Variants in SIDT1 observed in about 807,000 individuals in gnomAD.
SIDT1 encodes the protein SID1 transmembrane family, member 1.
SIDT1 carries 101 observed loss-of-function variants against 107.5 expected under a neutral mutation model. That is an observed-to-expected ratio of 0.94 (90% CI 0.80 to 1.11). The LOEUF is 1.11. Ranked by LOEUF, SIDT1 falls within the 50% of genes least tolerant of loss-of-function variation. SIDT1 has a pLI of 0.00. For synonymous variants in SIDT1, 395 were observed against 398.2 expected (o/e 0.99, Z 0.10); for missense variants, 1,076 against 1,058.2 (o/e 1.02, Z -0.23).
chr3:113,603,352 A>C (rs888996892), intron 12 of SIDT1, among the ~76,000 whole-genome samples: 1 of 152,168 alleles, frequency 6.6e-6, no homozygotes, highest in African/African-American at 2.4e-5. Flanking sequence ...GAAAGTGAGC[A>C]CATTAAAGAG....
intron 24 of SIDT1, among the ~76,000 whole-genome samples, chr3:113,627,009 T>TA (rs1378294253): frequency 3.3e-5 from 5 of 152,164 alleles, no homozygotes; most frequent in Middle Eastern, 3.2e-3. Context: ...AAACAGTCCT[T>TA]ACGTCTTTTA....
chr3:113,608,175 C>A lies in SIDT1; in HGVS notation c.1560C>A (p.Ile520=). 6.2e-7 allele frequency: 1 copy of A among 1,611,046 alleles called. No homozygotes were observed. Among genetic ancestry groups the A allele is most frequent in the Non-Finnish European group, 8.5e-7 (1 of 1,178,774 alleles). The change falls in exon 16 of 25, where the codon ATC becomes ATA. Residue 520 remains isoleucine (I), a synonymous_variant. Transcript: ENST00000264852. ...LFLLIVLRRD[I]LHRRALEAKD... The stretch of plus-strand genomic sequence containing the variant: ...TGCTGATAGTCTTGCGCCGCGACAT[C>A]CTCCATCGGAGAGCCCTGGAAGCCA...
intron 23 of SIDT1, among the ~76,000 whole-genome samples, chr3:113,624,902 G>A (rs1049091157): frequency 1.3e-5 from 2 of 152,092 alleles, no homozygotes; most frequent in Non-Finnish European, 2.9e-5. Context: ...GTATTTTATT[G>A]TGTTTGTAGG....
intron 15 of SIDT1, among the ~76,000 whole-genome samples, chr3:113,607,622 T>C (rs1019430035): frequency 1.3e-5 from 2 of 152,266 alleles, no homozygotes; most frequent in African/African-American, 2.4e-5. Flanking sequence ...TCTAGCCTCT[T>C]GCTCCAGAGC....
chr3:113,584,836 A>G (rs762290763), intron 8 of SIDT1, 67 bp downstream of exon 8: 42 of 1,079,374 alleles, frequency 3.9e-5, no homozygotes, highest in Admixed American at 1.5e-4. Context: ...ATAATTTGAT[A>G]TTACTGTCAT....
chr3:113,610,510 C>T (rs1284909909), intron 17 of SIDT1, among the ~76,000 whole-genome samples: 1 of 152,184 alleles, frequency 6.6e-6, no homozygotes, highest in Non-Finnish European at 1.5e-5. Context: ...CATTTTATTT[C>T]TAGCTATTTT....
chr3:113,627,678 G>T lies in SIDT1; in HGVS notation c.2454G>T (p.Val818=). 2.5e-6 allele frequency: 4 copies of T among 1,613,866 alleles called. No homozygotes were observed. Among genetic ancestry groups the T allele is most frequent in the Admixed American group, 1.7e-5 (1 of 60,012 alleles). The change falls in exon 25 of 25, where the codon GTG becomes GTT. Residue 818 remains valine, a synonymous_variant. Transcript: ENST00000264852. The part of the protein sequence containing the change: ...VLLTLDDDLD[V]VRRDQIPVF ...TAACTTTGGATGATGACCTTGATGT[G>T]GTTCGGAGAGACCAGATCCCTGTCT...
chr3:113,587,483 G>A (rs1242517668), intron 9 of SIDT1, among the ~76,000 whole-genome samples: 3 of 152,150 alleles, frequency 2.0e-5, no homozygotes, highest in African/African-American at 7.2e-5. Context: ...TATTTAACAG[G>A]TGCCTGCTGT....
intron 10 of SIDT1, among the ~76,000 whole-genome samples, chr3:113,597,779 T>C (rs1284520982): frequency 6.6e-6 from 1 of 152,186 alleles, no homozygotes; most frequent in Non-Finnish European, 1.5e-5. Flanking sequence ...TCAAAACAAG[T>C]TTCCTCATTA....
At chr3:113,592,744 C>T (rs985211515) in intron 9 of SIDT1, 49 of 384,966 alleles carry the variant, frequency 1.3e-4, no homozygotes, top group African/African-American at 7.9e-4. Context: ...CCTGCCATCA[C>T]GCCCAGCTAA....
rs886496221 is a variant in SIDT1, at chr3:113,616,248, G to A, written c.2043+72G>A. 16 of 1,222,840 alleles carry A rather than the reference G, an allele frequency of 1.3e-5. No individual in the cohort carries two copies. In the Admixed American group the frequency reaches 2.7e-4, roughly 21 times the overall value. The allele number at this position is 1,222,840 out of a possible 1,614,324, so 75.7% of individuals were successfully genotyped here. A position where few individuals can be genotyped will look rare whatever the true frequency, so the allele number is the denominator to read the frequency against. The stretch of plus-strand genomic sequence containing the variant: ...GGAATAGTAGGAGGAACAGGCTTGG[G>A]GCAGTCACTCACGGCTCCTAAAATC... On this transcript the variant is annotated intron_variant, in intron 20 of 24. Transcript: ENST00000264852.
intron 9 of SIDT1, among the ~76,000 whole-genome samples, chr3:113,590,526 AT>A (rs1023923402): frequency 1.3e-5 from 2 of 152,196 alleles, no homozygotes; most frequent in African/African-American, 4.8e-5. Context: ...CAATTCTGTG[AT>A]TTTTTAGGAT....
chr3:113,541,880 A>C (rs1938919616), intron 1 of SIDT1, among the ~76,000 whole-genome samples: 1 of 147,826 alleles, frequency 6.8e-6, no homozygotes, highest in Admixed American at 6.7e-5. Flanking sequence ...AAAATCCAGT[A>C]GTTTTACCAG....
intron 11 of SIDT1, 103 bp from the exon 12 acceptor site, chr3:113,602,902 C>A: frequency 8.1e-7 from 1 of 1,236,218 alleles, no homozygotes; most frequent in Middle Eastern, 2.7e-4. Context: ...TGGATCAACA[C>A]AGCATTTCCT....
chr3:113,568,931 C>A (rs139393711), intron 3 of SIDT1, among the ~76,000 whole-genome samples: 4 of 151,636 alleles, frequency 2.6e-5, no homozygotes, highest in African/African-American at 9.7e-5. Flanking sequence ...GTCAGGAGAG[C>A]GAGACCAGCC....
chr3:113,535,408 A>G (rs1244949278), intron 1 of SIDT1, among the ~76,000 whole-genome samples: 1 of 152,278 alleles, frequency 6.6e-6, no homozygotes, highest in African/African-American at 2.4e-5. Context: ...TTTCAATTCA[A>G]TAGTTTGGAA....
At chr3:113,595,871 A>G (rs1944509760) in intron 10 of SIDT1, among the ~76,000 whole-genome samples, 1 of 152,218 alleles carries the variant, frequency 6.6e-6, no homozygotes, top group Admixed American at 6.5e-5. Context: ...AGCAGAAGAC[A>G]AGCACTGCCC....
intron 19 of SIDT1, among the ~76,000 whole-genome samples, chr3:113,614,516 C>G (rs552094128): frequency 6.6e-5 from 10 of 152,262 alleles, no homozygotes; most frequent in Non-Finnish European, 1.3e-4. Flanking sequence ...AGTCCAAAGC[C>G]AGGAAGTTGG....
In SIDT1 at chr3:113,603,090, G is replaced by A; in HGVS notation, c.1203G>A (p.Glu401=). 7 of 1,614,150 alleles carry A rather than the reference G, an allele frequency of 4.3e-6. No homozygotes were observed. The highest frequency in any genetic ancestry group is 1.7e-4 in the Middle Eastern group (1 of 6,060). The change falls in exon 12 of 25, where the codon GAG becomes GAA. Residue 401 remains glutamate, a synonymous_variant. Transcript: ENST00000264852. ...AGTCAGACACAGACAGCTCCGTGGAGGAGAGCGACTTCGACACCATGCCAG... is the reference window on the plus strand; with the variant it reads ...AGTCAGACACAGACAGCTCCGTGGAAGAGAGCGACTTCGACACCATGCCAG... ...PGQSDTDSSV[E]ESDFDTMPDI...
Sources: allele counts gnomAD v4.1 joint callset (sites outside exome capture counted in the v4.1 genomes callset), GRCh38; gene constraint gnomAD v4.1.1; transcripts MANE v1.5; gene names NCBI Gene and HGNC (gene_info 2026-07-23, HGNC 2026-07-21).